Variants in ATP1B3 observed in about 807,000 individuals in gnomAD.
ATP1B3 encodes ATPase Na+/K+ transporting subunit beta 3.
In ATP1B3, 10 loss-of-function variants were observed where a neutral mutation model predicts 30.2. The observed-to-expected ratio is 0.33, with a 90% CI of 0.20 to 0.56. The LOEUF is 0.56. ATP1B3 is among the 20% of genes least tolerant of loss of function. The probability of loss-of-function intolerance (pLI) is 0.90; values close to 1 mark genes in which losing one functional copy is unlikely to be tolerated. For missense variants in ATP1B3, 238 were observed against 336.7 expected, an observed-to-expected ratio of 0.71 and a Z score of 2.29; for synonymous variants, 113 against 117.0, an observed-to-expected ratio of 0.97 and a Z score of 0.22.
intron 1 of ATP1B3, among the ~76,000 whole-genome samples, chr3:141,880,650 A>G (rs565849032): frequency 6.6e-6 from 1 of 152,114 alleles, no homozygotes; most frequent in Non-Finnish European, 1.5e-5. Context: ...TATTTTACCT[A>G]ATAGGTTCAT....
chr3:141,908,423 C>T (rs1006525740), intron 3 of ATP1B3, among the ~76,000 whole-genome samples: 1 of 152,190 alleles, frequency 6.6e-6, no homozygotes, highest in Non-Finnish European at 1.5e-5. Flanking sequence ...ATTACTTTAT[C>T]TCATCTCCCA....
intron 6 of ATP1B3, among the ~76,000 whole-genome samples, chr3:141,922,846 G>C (rs62283105): frequency 6.6e-6 from 1 of 152,022 alleles, no homozygotes; most frequent in Non-Finnish European, 1.5e-5. Flanking sequence ...GGCACCTGTA[G>C]TCCCAGCTGC....
intron 1 of ATP1B3, among the ~76,000 whole-genome samples, chr3:141,901,180 A>T (rs1934156597): frequency 6.6e-6 from 1 of 152,184 alleles, no homozygotes; most frequent in Non-Finnish European, 1.5e-5. Flanking sequence ...TTTAGGCTGT[A>T]TTTGCTGTTT....
chr3:141,913,517 C>G, intron 3 of ATP1B3, 135 bp from the exon 4 acceptor site: 2 of 716,680 alleles, frequency 2.8e-6, no homozygotes, highest in Non-Finnish European at 4.4e-6. Flanking sequence ...ACTTAACATT[C>G]TTTCCCTAAA....
chr3:141,876,957 G>A, intron 1 of ATP1B3, 47 bp downstream of exon 1: 1 of 1,449,540 alleles, frequency 6.9e-7, no homozygotes, highest in African/African-American at 1.5e-5. Flanking sequence ...CGGTCCCGGG[G>A]GCGCCGGGCG....
At chr3:141,921,245 A>C (rs570261286) in intron 5 of ATP1B3, among the ~76,000 whole-genome samples, 26 of 152,322 alleles carry the variant, frequency 1.7e-4, no homozygotes, top group African/African-American at 6.3e-4. Context: ...GAATTTTCAT[A>C]AATTGCTTAT....
In ATP1B3 at chr3:141,897,021, A is replaced by G. The variant is rs187475460; in HGVS notation, c.110-6599A>G. ...CTGTCTGCTCCTGTAACCTTTCACC[A>G]ACCCATTCAGAACATGGCCCACTTT... On this transcript the variant is annotated intron_variant, in intron 1 of 6. Transcript: ENST00000286371. Among the ~76,000 whole-genome samples the G allele has an allele frequency of 2.5e-3, 374 of 152,252 alleles. 7 individuals are homozygous for G. Among genetic ancestry groups the G allele is most frequent in the African/African-American group, 8.8e-3 (364 of 41,540 alleles).
intron 1 of ATP1B3, among the ~76,000 whole-genome samples, chr3:141,877,748 T>C (rs1459394487): frequency 6.6e-6 from 1 of 152,010 alleles, no homozygotes; most frequent in Admixed American, 6.5e-5. Flanking sequence ...TGTTTTAATA[T>C]ATTTAAACCA....
chr3:141,922,636 G>A (rs185695552), intron 6 of ATP1B3, among the ~76,000 whole-genome samples: 1 of 150,942 alleles, frequency 6.6e-6, no homozygotes, highest in African/African-American at 2.4e-5. Flanking sequence ...TTGGGTGACA[G>A]AATGGGATTC....
intron 6 of ATP1B3, 118 bp downstream of exon 6, chr3:141,922,181 A>G (rs888641531): frequency 1.7e-5 from 10 of 601,442 alleles, no homozygotes; most frequent in Non-Finnish European, 2.9e-5. Flanking sequence ...TGCGTCATCT[A>G]TTCAGGTTTT....
chr3:141,913,428 A>C (rs537803441), intron 3 of ATP1B3, among the ~76,000 whole-genome samples: 32 of 152,294 alleles, frequency 2.1e-4, no homozygotes, highest in African/African-American at 7.5e-4. Flanking sequence ...GAAGAGATGG[A>C]TCTATAATCC....
intron 1 of ATP1B3, among the ~76,000 whole-genome samples, chr3:141,890,086 C>CTTTTTTTTTT (rs1245235657): frequency 3.7e-5 from 4 of 107,526 alleles, no homozygotes; most frequent in African/African-American, 7.5e-5. Flanking sequence ...AATTTTTTTT[C>CTTTTTTTTTT]TTTTTTTTTT....
At chr3:141,905,010 C>T (rs1934238638) in intron 2 of ATP1B3, among the ~76,000 whole-genome samples, 1 of 152,150 alleles carries the variant, frequency 6.6e-6, no homozygotes, top group Non-Finnish European at 1.5e-5. Context: ...CACACCTGGC[C>T]TAAACAGTCT....
Position 141,903,765 on chromosome 3 carries a change from T to C in ATP1B3, c.238+17T>C, listed in dbSNP as rs2107772627. 6.2e-7 allele frequency: 1 copy of C among 1,605,148 alleles called. No homozygotes were observed. Among genetic ancestry groups the C allele is most frequent in the South Asian group, 1.1e-5 (1 of 89,290 alleles). ...CTAGCCCAGGTAATTATCTTGCAGT[T>C]ATGACTTTGTTTTTTGTTTTTTGTT... On this transcript the variant is annotated intron_variant, in intron 2 of 6. Coordinates refer to ENST00000286371, the MANE Select transcript of ATP1B3 (RefSeq NM_001679.4).
At chr3:141,902,289 T>C in intron 1 of ATP1B3, 1 of 1,169,716 alleles carries the variant, frequency 8.5e-7, no homozygotes, top group Non-Finnish European at 1.1e-6. Flanking sequence ...CTTTAACTAT[T>C]TCCCCTTTAC....
intron 3 of ATP1B3, among the ~76,000 whole-genome samples, chr3:141,910,232 A>G (rs1357124372): frequency 6.6e-6 from 1 of 152,108 alleles, no homozygotes; most frequent in African/African-American, 2.4e-5. Context: ...TCCGCCTCCC[A>G]AAGTGCTGGG....
At chr3:141,896,010 C>G (rs1167067048) in intron 1 of ATP1B3, among the ~76,000 whole-genome samples, 3 of 152,072 alleles carry the variant, frequency 2.0e-5, no homozygotes, top group African/African-American at 7.2e-5. Flanking sequence ...TTTTTGCAAT[C>G]CTTACATCTT....
chr3:141,925,947 C>T lies in ATP1B3; in HGVS notation c.*246C>T. On this transcript the variant is annotated 3_prime_UTR_variant, in exon 7 of 7. Transcript: ENST00000286371. Reference sequence around the variant, plus strand: ...GATAGGGACCGGTGAACACCTGATTCCAAACATGTAGGATGGGGGTCTTGT... The same window carrying T: ...GATAGGGACCGGTGAACACCTGATTTCAAACATGTAGGATGGGGGTCTTGT... 1 of 427,370 alleles carries T rather than the reference C, an allele frequency of 2.3e-6. No individual in the cohort carries two copies. The highest frequency in any genetic ancestry group is 4.1e-6 in the Non-Finnish European group (1 of 242,692). 26.5% of individuals were successfully genotyped at this position (427,370 alleles called of 1,614,324 possible). A position where few individuals can be genotyped will look rare whatever the true frequency, so the allele number is the denominator to read the frequency against.
intron 1 of ATP1B3, among the ~76,000 whole-genome samples, chr3:141,896,364 T>G (rs1934065962): frequency 6.6e-6 from 1 of 152,102 alleles, no homozygotes; most frequent in African/African-American, 2.4e-5. Context: ...AAAAAAAATT[T>G]TTTTTAATTA....
Sources: gnomAD v4.1 joint callset for allele counts (sites outside exome capture counted in the v4.1 genomes callset) on GRCh38, gnomAD v4.1.1 for gene constraint, MANE v1.5 for transcripts, NCBI Gene and HGNC (gene_info 2026-07-23, HGNC 2026-07-21) for gene names.